Variants in HGF observed in about 807,000 individuals in gnomAD.
The protein encoded by HGF is hepatocyte growth factor.
HGF carries 39 observed loss-of-function variants against 111.6 expected under a neutral mutation model. The ratio of observed to expected loss-of-function variants is 0.35; its 90% CI spans 0.27 to 0.46. HGF has a LOEUF of 0.46. Ranked by LOEUF, HGF falls within the 20% of genes least tolerant of loss-of-function variation. HGF has a pLI of 1.00. For missense variants in HGF, 735 were observed against 910.5 expected, an observed-to-expected ratio of 0.81 and a Z score of 2.48; for synonymous variants, 285 against 294.8, an observed-to-expected ratio of 0.97 and a Z score of 0.34.
chr7:81,728,384 T>A (rs1351631559), intron 8 of HGF, among the ~76,000 whole-genome samples: 1 of 152,234 alleles, frequency 6.6e-6, no homozygotes, highest in African/African-American at 2.4e-5. Context: ...TCACTAGGTA[T>A]CTTTACGTAC....
intron 11 of HGF, among the ~76,000 whole-genome samples, chr7:81,713,998 G>C (rs1029400639): frequency 7.4e-6 from 1 of 135,760 alleles, no homozygotes; most frequent in African/African-American, 2.9e-5. Flanking sequence ...GCGTGTGTGT[G>C]TGTGTGTGTG....
intron 13 of HGF, 81 bp downstream of exon 13, chr7:81,710,066 C>A: frequency 2.0e-6 from 2 of 982,060 alleles, no homozygotes; most frequent in Non-Finnish European, 3.3e-6. Flanking sequence ...ACCTTCAGGA[C>A]CACATGTGTC....
intron 7 of HGF, among the ~76,000 whole-genome samples, chr7:81,735,390 G>T (rs1265701671): frequency 6.6e-6 from 1 of 151,978 alleles, no homozygotes; most frequent in Non-Finnish European, 1.5e-5. Flanking sequence ...TTTTTCCCTT[G>T]AAAAAGGGTA....
chr7:81,727,860 A>T (rs1357466500), intron 8 of HGF, among the ~76,000 whole-genome samples: 1 of 152,242 alleles, frequency 6.6e-6, no homozygotes, highest in East Asian at 1.9e-4. Context: ...TCAATAATCT[A>T]GATTAAGCAA....
chr7:81,715,267 A>G (rs1209726681), intron 11 of HGF, among the ~76,000 whole-genome samples: 1 of 152,114 alleles, frequency 6.6e-6, no homozygotes, highest in Non-Finnish European at 1.5e-5. Context: ...TATATATTCT[A>G]TGAGCCTCCA....
At chr7:81,766,937 C>T (rs895392353) in intron 1 of HGF, among the ~76,000 whole-genome samples, 1 of 152,150 alleles carries the variant, frequency 6.6e-6, no homozygotes, top group East Asian at 1.9e-4. Context: ...CTTACTTTTC[C>T]ACTCACAGAC....
intron 1 of HGF, among the ~76,000 whole-genome samples, chr7:81,763,953 T>C (rs947707248): frequency 1.3e-5 from 2 of 152,162 alleles, no homozygotes; most frequent in African/African-American, 4.8e-5. Context: ...TCTGAACCAC[T>C]GACCATGCCA....
chr7:81,767,202 G>A (rs1789400815), intron 1 of HGF, among the ~76,000 whole-genome samples: 1 of 151,506 alleles, frequency 6.6e-6, no homozygotes, highest in Non-Finnish European at 1.5e-5. Flanking sequence ...TTTCTAACAG[G>A]GTTTTTTGAA....
chr7:81,726,082 T>C, intron 8 of HGF, 65 bp from the exon 9 acceptor site: 1 of 1,507,810 alleles, frequency 6.6e-7, no homozygotes, highest in Non-Finnish European at 9.2e-7. Flanking sequence ...TCAGCGCTAT[T>C]ACATTTCTAG....
At chr7:81,762,980 A>G (rs1789175349) in intron 1 of HGF, 108 bp from the exon 2 acceptor site, 3 of 697,950 alleles carry the variant, frequency 4.3e-6, no homozygotes, top group African/African-American at 3.6e-5. Flanking sequence ...ATTTTACTTG[A>G]CAATATACTA....
intron 1 of HGF, among the ~76,000 whole-genome samples, chr7:81,766,982 C>T (rs1403601450): frequency 6.6e-6 from 1 of 152,184 alleles, no homozygotes; most frequent in African/African-American, 2.4e-5. Flanking sequence ...ACTTCTGCCT[C>T]AAATGCTTGC....
intron 11 of HGF, among the ~76,000 whole-genome samples, chr7:81,716,990 A>G (rs1789729420): frequency 6.6e-6 from 1 of 152,136 alleles, no homozygotes. Flanking sequence ...AAATCTTCTG[A>G]GGGAAGAGAA....
intron 14 of HGF, 137 bp downstream of exon 14, chr7:81,707,153 A>C (rs1263561553): frequency 1.7e-5 from 11 of 649,278 alleles, no homozygotes; most frequent in Non-Finnish European, 2.8e-5. Flanking sequence ...TGTAAGCCAA[A>C]TTCTAAAAAT....
chr7:81,735,084 A>T (rs1787783993), intron 7 of HGF, among the ~76,000 whole-genome samples: 1 of 152,046 alleles, frequency 6.6e-6, no homozygotes, highest in Admixed American at 6.6e-5. Flanking sequence ...CCCATCAACA[A>T]TACTTGTGCT....
intron 7 of HGF, among the ~76,000 whole-genome samples, chr7:81,740,794 T>C (rs1787974506): frequency 6.6e-6 from 1 of 152,236 alleles, no homozygotes. Flanking sequence ...GAACTTTAAA[T>C]GCAACATGGA....
At chr7:81,704,560 C>T (rs542894489) in intron 17 of HGF, among the ~76,000 whole-genome samples, 1 of 151,796 alleles carries the variant, frequency 6.6e-6, no homozygotes, top group East Asian at 1.9e-4. Flanking sequence ...AAACAGTAAA[C>T]ATTTTCTCTT....
chr7:81,725,770 G>A lies in HGF; in HGVS notation c.1168+120C>T. On this transcript the variant is annotated intron_variant, in intron 9 of 17. Coordinates refer to ENST00000222390, the MANE Select transcript of HGF (RefSeq NM_000601.6). ...ATCCAGCTTCAAACTTGGTGATTTTGTTTGCAAGCCAGCAAAACCAGTGCA... is the reference window on the plus strand; with the variant it reads ...ATCCAGCTTCAAACTTGGTGATTTTATTTGCAAGCCAGCAAAACCAGTGCA... 10 of 1,147,022 alleles carry A rather than the reference G, an allele frequency of 8.7e-6. No homozygotes were observed. In the South Asian group the frequency reaches 1.2e-4, roughly 14 times the overall value. The allele number at this position is 1,147,022 out of a possible 1,614,324, so 71.1% of individuals were successfully genotyped here.
chr7:81,716,435 T>G (rs1789714350), intron 11 of HGF, among the ~76,000 whole-genome samples: 1 of 152,204 alleles, frequency 6.6e-6, no homozygotes, highest in South Asian at 2.1e-4. Context: ...TAATACTGGA[T>G]ATTTACAATC....
chr7:81,716,996 G>A (rs1789729678), intron 11 of HGF, among the ~76,000 whole-genome samples: 1 of 152,136 alleles, frequency 6.6e-6, no homozygotes, highest in Admixed American at 6.6e-5. Context: ...TCTGAGGGAA[G>A]AGAATCTCCA....
Sources: gnomAD v4.1 joint callset for allele counts (sites outside exome capture counted in the v4.1 genomes callset) on GRCh38, gnomAD v4.1.1 for gene constraint, MANE v1.5 for transcripts, NCBI Gene and HGNC (gene_info 2026-07-23, HGNC 2026-07-21) for gene names.